The following ZNF236 variants were observed in gnomAD, a reference collection of about 807,000 sequenced individuals.
ZNF236 encodes regulated by glucose.
ZNF236 carries 50 observed loss-of-function variants against 191.2 expected under a neutral mutation model. The observed-to-expected ratio is 0.26, with a 90% CI of 0.21 to 0.33. ZNF236 has a LOEUF of 0.33. Ranked by LOEUF, ZNF236 falls within the 10% of genes least tolerant of loss-of-function variation. The probability of loss-of-function intolerance (pLI) is 1.00; values close to 1 mark genes in which losing one functional copy is unlikely to be tolerated. For missense variants in ZNF236, 1,754 were observed against 2,374.5 expected, an observed-to-expected ratio of 0.74 and a Z score of 5.43; for synonymous variants, 907 against 928.8, an observed-to-expected ratio of 0.98 and a Z score of 0.43.
At position 76,908,170 on chromosome 18, in the gene ZNF236, A is replaced by G. The variant is rs1012888648; in HGVS notation, c.2298-150A>G. On this transcript the variant is annotated intron_variant, in intron 13 of 30. Coordinates refer to ENST00000320610, the MANE Select transcript of ZNF236 (RefSeq NM_001306089.2). Reference sequence around the variant, plus strand: ...TCTCTTCAGAGTTACTAATGTGTTCAGTTTTTACCTGAATTGCCATCATGA... The same window carrying G: ...TCTCTTCAGAGTTACTAATGTGTTCGGTTTTTACCTGAATTGCCATCATGA... The G allele has an allele frequency of 6.6e-6, 7 of 1,061,310 alleles. No homozygotes were observed. The African/African-American group carries it at 1.1e-4, about 17-fold the overall frequency. The allele number at this position is 1,061,310 out of a possible 1,614,324, so 65.7% of individuals were successfully genotyped here. A position where few individuals can be genotyped will look rare whatever the true frequency, so the allele number is the denominator to read the frequency against.
intron 28 of ZNF236, among the ~76,000 whole-genome samples, chr18:76,957,363 G>A (rs549023685): frequency 3.0e-4 from 45 of 152,276 alleles, no homozygotes; most frequent in South Asian, 8.3e-4. Flanking sequence ...TGACGGCCCT[G>A]TCCGGGCCAG....
At chr18:76,838,775 T>G (rs1283556150) in intron 1 of ZNF236, among the ~76,000 whole-genome samples, 1 of 152,184 alleles carries the variant, frequency 6.6e-6, no homozygotes, top group Non-Finnish European at 1.5e-5. Context: ...GAAATTGTGG[T>G]TGGCTCAATG....
intron 26 of ZNF236, among the ~76,000 whole-genome samples, chr18:76,945,077 C>T (rs921944517): frequency 6.6e-6 from 1 of 152,110 alleles, no homozygotes; most frequent in Admixed American, 6.5e-5. Flanking sequence ...TTTATAATGA[C>T]TTCAAGACCC....
rs1967479913 is a variant in ZNF236 at position 76,919,725 on chromosome 18, C to T, written c.3275-51C>T. ...TTAGTTTTAATTGTTTTGCTAAAAACCTAGGTTTTCTTCATTACGATTTTG... is the reference window on the plus strand; with the variant it reads ...TTAGTTTTAATTGTTTTGCTAAAAATCTAGGTTTTCTTCATTACGATTTTG... On this transcript the variant is annotated intron_variant, in intron 19 of 30. Transcript: ENST00000320610. The surrounding 1 kb of genome is among the most constrained non-coding windows in gnomAD (Gnocchi z 5.3). 1 of 1,592,070 alleles carries T rather than the reference C, an allele frequency of 6.3e-7. No homozygotes were observed. Among genetic ancestry groups the T allele is most frequent in the African/African-American group, 1.3e-5 (1 of 74,218 alleles).
rs1397448469 is a variant in ZNF236, at chr18:76,849,637, G to A, written c.167G>A (p.Arg56His). 6 of 1,602,094 alleles carry A rather than the reference G, an allele frequency of 3.7e-6. No homozygotes were observed. The highest frequency in any genetic ancestry group is 4.5e-5 in the East Asian group (2 of 44,376). The part of the protein sequence containing the change: ...LSFPKESQFQ[R>H]HMRDHERNDK... ...TTTCCAAAAGAATCCCAGTTTCAAC[G>A]CCACATGAGGGATCACGAGCGAAAT... The change falls in exon 2 of 31, where the codon CGC becomes CAC. Residue 56 changes from arginine (R) to histidine (H), a missense_variant. By Grantham distance (29) the Arg-to-His change is conservative (BLOSUM62 0). This residue lies in a region of ZNF236 where 336 missense variants were observed against 495.1 expected (regional missense o/e 0.68). Coordinates refer to ENST00000320610, the MANE Select transcript of ZNF236 (RefSeq NM_001306089.2).
rs140376051 is a variant in ZNF236 at position 76,945,454 on chromosome 18, C to T, written c.4783-2067C>T. ...GAAAATAGCAATATTCAATCAACTT[C>T]TCTATGTAGGGAGGTAGGGAACATG... On this transcript the variant is annotated intron_variant, in intron 26 of 30. Transcript: ENST00000320610. Among the ~76,000 whole-genome samples the T allele has an allele frequency of 3.9e-4, 59 of 152,324 alleles. 1 individual carries two copies. Among genetic ancestry groups the T allele is most frequent in the African/African-American group, 1.3e-3 (52 of 41,576 alleles).
chr18:76,953,476 A>C (rs999396304), intron 27 of ZNF236, among the ~76,000 whole-genome samples: 5 of 152,182 alleles, frequency 3.3e-5, no homozygotes, highest in African/African-American at 1.2e-4. Flanking sequence ...TTTTACTCAC[A>C]AGGATTCTAT....
chr18:76,833,779 A>T (rs1975239138), intron 1 of ZNF236, among the ~76,000 whole-genome samples: 1 of 152,098 alleles, frequency 6.6e-6, no homozygotes, highest in Non-Finnish European at 1.5e-5. Context: ...TATGGTTTTT[A>T]AATCTGTGGT....
intron 11 of ZNF236, among the ~76,000 whole-genome samples, chr18:76,902,430 C>T (rs1405879459): frequency 2.0e-5 from 3 of 152,058 alleles, no homozygotes; most frequent in Non-Finnish European, 4.4e-5. Flanking sequence ...AGTCCTTGAC[C>T]GAGAGCAATG....
At position 76,844,529 on chromosome 18, in the gene ZNF236, CAT is replaced by C. The variant is rs569854832; in HGVS notation, c.56-4995_56-4994del. Among the ~76,000 whole-genome samples the C allele has an allele frequency of 5.3e-5, 8 of 152,260 alleles. No homozygotes were observed. The South Asian group carries it at 1.5e-3, about 28-fold the overall frequency. ...TTTATTCAAAATGTAAAAACAAAAA[CAT>C]AAAAAGCTTGGGGGTTAGGTCAGTT... is the stretch of plus-strand genomic sequence containing the variant. On this transcript the variant is annotated intron_variant, in intron 1 of 30. Transcript: ENST00000320610.
intron 26 of ZNF236, among the ~76,000 whole-genome samples, chr18:76,943,142 AG>A (rs368746582): frequency 1.3e-5 from 2 of 149,742 alleles, no homozygotes; most frequent in Middle Eastern, 3.4e-3. Context: ...AAAAAAAAAA[AG>A]AAGAGCAAAT....
intron 3 of ZNF236, among the ~76,000 whole-genome samples, chr18:76,861,869 T>G (rs1976240304): frequency 6.6e-6 from 1 of 152,172 alleles, no homozygotes; most frequent in Non-Finnish European, 1.5e-5. Flanking sequence ...TATTTCTTTT[T>G]TCTTTTCTTT....
chr18:76,946,242 G>A (rs1421496110), intron 26 of ZNF236, among the ~76,000 whole-genome samples: 1 of 152,192 alleles, frequency 6.6e-6, no homozygotes, highest in African/African-American at 2.4e-5. Flanking sequence ...AAAAAGGGGA[G>A]TTTCCCTGCA....
intron 28 of ZNF236, 35 bp downstream of exon 28, chr18:76,956,217 C>T: frequency 6.5e-7 from 1 of 1,538,956 alleles, no homozygotes; most frequent in African/African-American, 1.4e-5. Flanking sequence ...GCTGTGTGCC[C>T]CCCAGGCGGC....
chr18:76,931,736 C>T (rs1036553003), intron 25 of ZNF236, among the ~76,000 whole-genome samples: 6 of 152,154 alleles, frequency 3.9e-5, no homozygotes, highest in South Asian at 2.1e-4. Context: ...TTTGCACCAA[C>T]GTAATAAATG....
At chr18:76,898,300 T>A (rs1977494046) in intron 10 of ZNF236, 2 of 152,348 alleles carry the variant, frequency 1.3e-5, no homozygotes. Context: ...CACTGTCTGA[T>A]TTTGGAACAT....
At chr18:76,834,579 G>A (rs1975267172) in intron 1 of ZNF236, 1 of 475,840 alleles carries the variant, frequency 2.1e-6, no homozygotes. Context: ...GAATGCCTGT[G>A]TGCACAGTTG....
chr18:76,824,797 T>G (rs1251237821), intron 1 of ZNF236, among the ~76,000 whole-genome samples: 1 of 152,204 alleles, frequency 6.6e-6, no homozygotes, highest in Non-Finnish European at 1.5e-5. Flanking sequence ...ACCTCGGGAA[T>G]GTATTTCCAG....
intron 10 of ZNF236, 78 bp from the exon 11 acceptor site, chr18:76,898,941 A>G: frequency 4.1e-6 from 5 of 1,224,192 alleles, no homozygotes; most frequent in Non-Finnish European, 5.9e-6. Context: ...ATTGGAAATA[A>G]TAACATTTTA....
Sources: allele counts gnomAD v4.1 joint callset (sites outside exome capture counted in the v4.1 genomes callset), GRCh38; gene constraint gnomAD v4.1.1; regional missense constraint gnomAD v4.1.1; non-coding constraint Gnocchi (gnomAD v3.1); transcripts MANE v1.5; gene names NCBI Gene and HGNC (gene_info 2026-07-23, HGNC 2026-07-21).